The following LRRC7 variants were observed in gnomAD, a reference collection of about 807,000 sequenced individuals.
LRRC7 encodes leucine rich repeat containing 7, also known as leucine-rich repeat-containing protein 7.
Under a neutral mutation model 175.7 loss-of-function variants are expected in LRRC7, and 23 were observed. That is an observed-to-expected ratio of 0.13 (90% CI 0.09 to 0.19). LRRC7 has a LOEUF of 0.19. Ranked by LOEUF, LRRC7 falls within the 10% of genes least tolerant of loss-of-function variation. The pLI, the probability that LRRC7 is intolerant of heterozygous loss-of-function variation, is 1.00. For synonymous variants in LRRC7, 685 were observed against 680.9 expected (o/e 1.01, Z -0.09); for missense variants, 1,354 against 1,904.7 (o/e 0.71, Z 5.38).
At chr1:69,878,845 T>C (rs2101604028) in intron 7 of LRRC7, among the ~76,000 whole-genome samples, 2 of 148,500 alleles carry the variant, frequency 1.3e-5, no homozygotes, top group South Asian at 2.1e-4. Context: ...GTGTGTGATA[T>C]ATATTTACTC....
At chr1:69,751,275 T>C (rs1669820003) in intron 2 of LRRC7, among the ~76,000 whole-genome samples, 1 of 152,186 alleles carries the variant, frequency 6.6e-6, no homozygotes, top group East Asian at 1.9e-4. Flanking sequence ...TTAACTCATT[T>C]GTATTATTCA....
chr1:69,589,008 T>TGTGTGTGTGTGC lies in LRRC7; in HGVS notation c.2+20368_2+20369insTGTGTGTGTGCG, dbSNP rs756682853. Reference sequence around the variant, plus strand: ...GTCTGTGTGTGTGTGTGTGTGTGTGTGCGTGCATGTGATGTAATATACATG... The same window carrying TGTGTGTGTGTGC: ...GTCTGTGTGTGTGTGTGTGTGTGTGTGTGTGTGTGTGCGCGTGCATGTGATGTAATATACATG... On this transcript the variant is annotated intron_variant, in intron 1 of 26. Transcript: ENST00000651989. Among the ~76,000 whole-genome samples the TGTGTGTGTGTGC allele has an allele frequency of 3.2e-4, 48 of 151,560 alleles. 1 individual carries two copies. The highest frequency in any genetic ancestry group is 1.1e-3 in the African/African-American group (44 of 41,196).
chr1:69,783,621 G>A (rs900279614), intron 3 of LRRC7, among the ~76,000 whole-genome samples: 2 of 151,658 alleles, frequency 1.3e-5, no homozygotes, highest in South Asian at 2.1e-4. Context: ...GTGTGGTGGC[G>A]AGCGTCTATA....
chr1:70,078,343 G>T (rs1187246448), intron 24 of LRRC7, among the ~76,000 whole-genome samples: 2 of 152,040 alleles, frequency 1.3e-5, no homozygotes, highest in African/African-American at 4.8e-5. Context: ...TTTCACAGTT[G>T]GCCAGCTCAT....
At chr1:69,812,748 G>A (rs368892473) in intron 4 of LRRC7, among the ~76,000 whole-genome samples, 1 of 151,976 alleles carries the variant, frequency 6.6e-6, no homozygotes, top group Admixed American at 6.6e-5. Context: ...CATTCAATAT[G>A]CATTATTCCT....
intron 2 of LRRC7, among the ~76,000 whole-genome samples, chr1:69,722,321 C>A (rs1343838591): frequency 6.6e-6 from 1 of 152,038 alleles, no homozygotes; most frequent in Admixed American, 6.6e-5. Context: ...TATTTTGCAA[C>A]CAGTCTTTTG....
intron 7 of LRRC7, among the ~76,000 whole-genome samples, chr1:69,924,383 T>A (rs1557893870): frequency 6.6e-6 from 1 of 152,202 alleles, no homozygotes; most frequent in Non-Finnish European, 1.5e-5. Flanking sequence ...AATCTATAAA[T>A]TACCTTGGGC....
intron 7 of LRRC7, among the ~76,000 whole-genome samples, chr1:69,897,811 G>A (rs1464057570): frequency 6.6e-6 from 1 of 152,134 alleles, no homozygotes; most frequent in Non-Finnish European, 1.5e-5. Context: ...TTAATGCAAG[G>A]CCATTTTTGA....
chr1:69,685,062 C>CCAGAGCAG (rs1378039699), intron 2 of LRRC7, among the ~76,000 whole-genome samples: 1 of 152,140 alleles, frequency 6.6e-6, no homozygotes, highest in East Asian at 1.9e-4. Flanking sequence ...ATTAGAGAAT[C>CCAGAGCAG]CAGAGCAGCA....
intron 25 of LRRC7, among the ~76,000 whole-genome samples, chr1:70,101,061 T>C (rs1187884827): frequency 2.0e-5 from 3 of 152,116 alleles, no homozygotes; most frequent in Non-Finnish European, 4.4e-5. Context: ...TATCTAATGT[T>C]GCTTCTACAA....
At chr1:69,828,930 GA>G (rs1403195584) in intron 5 of LRRC7, among the ~76,000 whole-genome samples, 2 of 151,720 alleles carry the variant, frequency 1.3e-5, no homozygotes, top group East Asian at 3.9e-4. Flanking sequence ...AATTAGAAAA[GA>G]AAAAAATGTT....
intron 22 of LRRC7, among the ~76,000 whole-genome samples, chr1:70,050,399 T>C (rs959351903): frequency 5.9e-5 from 9 of 152,082 alleles, no homozygotes; most frequent in Non-Finnish European, 1.3e-4. Flanking sequence ...TTTCACTAAA[T>C]CACACCAGCC....
At chr1:69,715,769 A>T (rs954956565) in intron 2 of LRRC7, among the ~76,000 whole-genome samples, 1 of 151,898 alleles carries the variant, frequency 6.6e-6, no homozygotes, top group African/African-American at 2.4e-5. Context: ...TATTTTTTAA[A>T]TTTTTTTATA....
At chr1:69,973,419 C>T (rs1051780802) in intron 8 of LRRC7, among the ~76,000 whole-genome samples, 8 of 151,606 alleles carry the variant, frequency 5.3e-5, no homozygotes, top group African/African-American at 1.5e-4. Context: ...TACCTGTTCC[C>T]CAATAACCTA....
At chr1:69,602,923 T>C (rs1004295560) in intron 1 of LRRC7, among the ~76,000 whole-genome samples, 1 of 152,248 alleles carries the variant, frequency 6.6e-6, no homozygotes, top group African/African-American at 2.4e-5. Context: ...AGTAACCTGC[T>C]GTACAGATTT....
intron 17 of LRRC7, among the ~76,000 whole-genome samples, chr1:70,025,864 T>C (rs1571065875): frequency 6.7e-6 from 1 of 150,132 alleles, no homozygotes; most frequent in Admixed American, 6.7e-5. Flanking sequence ...AAAAAGAATA[T>C]AAAATGACTA....
intron 25 of LRRC7, among the ~76,000 whole-genome samples, chr1:70,095,011 A>G (rs141180621): frequency 3.9e-4 from 59 of 152,324 alleles, no homozygotes; most frequent in African/African-American, 1.4e-3. Flanking sequence ...AACTACTTTT[A>G]GCACATTTCC....
intron 2 of LRRC7, among the ~76,000 whole-genome samples, chr1:69,718,181 A>AAAGAAAGAAAGAAAG (rs1491074856): frequency 7.4e-4 from 73 of 98,412 alleles, no homozygotes; most frequent in East Asian, 2.7e-3. Flanking sequence ...AGAAGAAAAG[A>AAAGAAAGAAAGAAAG]AAAGAAAGAG....
chr1:69,815,078 C>A (rs1258985389), intron 4 of LRRC7, among the ~76,000 whole-genome samples: 2 of 152,216 alleles, frequency 1.3e-5, no homozygotes, highest in Non-Finnish European at 1.5e-5. Flanking sequence ...TCTCTAGGAG[C>A]TTTTTGAACT....
Sources: allele counts gnomAD v4.1 joint callset (sites outside exome capture counted in the v4.1 genomes callset), GRCh38; gene constraint gnomAD v4.1.1; transcripts MANE v1.5; gene names NCBI Gene and HGNC (gene_info 2026-07-23, HGNC 2026-07-21).